Variants in GALNT14 observed in about 807,000 individuals in gnomAD.
GALNT14 encodes polypeptide N-acetylgalactosaminyltransferase 14, also known as UDP-GalNAc:polypeptide N-acetylgalactosaminyltransferase 14.
A neutral mutation model predicts 77.5 loss-of-function variants in GALNT14; 60 were observed. The observed-to-expected ratio is 0.77, with a 90% confidence interval of 0.63 to 0.96. The LOEUF (loss-of-function observed/expected upper bound fraction) is 0.96, where lower values mean the gene tolerates loss of function less well. Ranked by LOEUF, GALNT14 falls within the 40% of genes least tolerant of loss-of-function variation. GALNT14 has a pLI of 0.00. For missense variants in GALNT14, 710 were observed against 731.0 expected (o/e 0.97, Z 0.33); for synonymous variants, 280 against 281.7 (o/e 0.99, Z 0.06).
At chr2:30,918,084 C>T (rs767098416) in intron 13 of GALNT14, among the ~76,000 whole-genome samples, 1 of 152,238 alleles carries the variant, frequency 6.6e-6, no homozygotes, top group Non-Finnish European at 1.5e-5. Flanking sequence ...CCAGAGGCAG[C>T]AGGATGACCT....
chr2:30,975,088 G>T (rs1334012631), intron 2 of GALNT14, among the ~76,000 whole-genome samples: 4 of 152,232 alleles, frequency 2.6e-5, no homozygotes, highest in African/African-American at 9.6e-5. Flanking sequence ...GGAAGCTGAA[G>T]TATGGAGCCA....
chr2:31,053,758 C>T (rs531906573), intron 1 of GALNT14, among the ~76,000 whole-genome samples: 73 of 152,224 alleles, frequency 4.8e-4, no homozygotes, highest in Non-Finnish European at 8.5e-4. Flanking sequence ...CAGGTTTCTT[C>T]ACCACCTCGG....
chr2:30,924,195 C>T lies in GALNT14; in HGVS notation c.1304G>A (p.Arg435Lys). ...RQRQKCLESQRQNNQETPNLK... is the reference protein window; with the variant it reads ...RQRQKCLESQKQNNQETPNLK... ...GTTTGGGGTTTCTTGGTTGTTCTGC[C>T]TTTGAGATTCCAGGCACTTCTGTCT... Residue 435 changes from arginine to lysine, a missense_variant, in exon 13 of 15, where the codon AGG (arginine) becomes AAG (lysine). By Grantham distance (26) the Arg-to-Lys change is conservative. Coordinates refer to ENST00000349752, the MANE Select transcript of GALNT14 (RefSeq NM_024572.4). 1 of 1,614,192 alleles carries T rather than the reference C, an allele frequency of 6.2e-7. No homozygotes were observed. The highest frequency in any genetic ancestry group is 8.5e-7 in the Non-Finnish European group (1 of 1,180,034).
chr2:31,011,838 T>G (rs1208712882), intron 1 of GALNT14, among the ~76,000 whole-genome samples: 2 of 152,226 alleles, frequency 1.3e-5, no homozygotes, highest in African/African-American at 4.8e-5. Flanking sequence ...CTGTTTGTAC[T>G]TCAAACAACA....
rs79998673 is a variant in GALNT14 at position 31,136,122 on chromosome 2, C to A, written c.129+1836G>T. ...AGCTCTCCAGATCTATGGGCAGGGG[C>A]TGAGTGAGAAAAGTGATCTGGTGCT... On this transcript the variant is annotated intron_variant, in intron 1 of 14. Coordinates refer to ENST00000349752, the MANE Select transcript of GALNT14 (RefSeq NM_024572.4). Among the ~76,000 whole-genome samples, 759 of 150,740 alleles carry A rather than the reference C, an allele frequency of 5.0e-3. 5 individuals carry two copies. The highest frequency in any genetic ancestry group is 0.018 in the African/African-American group (730 of 40,104).
chr2:31,053,314 T>C (rs1371227372), intron 1 of GALNT14, among the ~76,000 whole-genome samples: 1 of 152,118 alleles, frequency 6.6e-6, no homozygotes, highest in African/African-American at 2.4e-5. Context: ...ATCTGGTAGA[T>C]CTGAGACTAA....
chr2:30,916,709 G>A (rs1032063916), intron 13 of GALNT14, among the ~76,000 whole-genome samples: 4 of 152,156 alleles, frequency 2.6e-5, no homozygotes, highest in Non-Finnish European at 5.9e-5. Context: ...GGATGCAGAC[G>A]GGCCACAGCA....
intron 1 of GALNT14, among the ~76,000 whole-genome samples, chr2:31,016,161 C>G (rs768423960): frequency 1.3e-5 from 2 of 152,148 alleles, no homozygotes; most frequent in Non-Finnish European, 2.9e-5. Context: ...GATCAACGTG[C>G]GAACAGGGTT....
At chr2:30,888,751 A>G in the GALNT14 span, among the ~76,000 whole-genome samples, 11 of 152,288 alleles carry the variant, frequency 7.2e-5, no homozygotes, top group East Asian at 2.1e-3. Context: ...AGGAGGGTGC[A>G]GGGCCCCAAA....
the GALNT14 span, among the ~76,000 whole-genome samples, chr2:30,893,045 T>TA: frequency 6.6e-6 from 1 of 152,184 alleles, no homozygotes; most frequent in African/African-American, 2.4e-5. Flanking sequence ...CATGCATTCT[T>TA]AGAAATGTAC....
Position 31,138,056 on chromosome 2 carries a change from G to A in GALNT14, c.31C>T (p.Pro11Ser). 1 of 1,613,806 alleles carries A rather than the reference G, an allele frequency of 6.2e-7. No individual in the cohort carries two copies. Among genetic ancestry groups the A allele is most frequent in the Non-Finnish European group, 8.5e-7 (1 of 1,179,798 alleles). ...GTGATCCAGAGCACCCCGAAGACTG[G>A]CAGAACCAGCCGACGAGTCAGGCGC... The part of the protein sequence containing the change: MRRLTRRLVL[P>S]VFGVLWITVL... The change falls in exon 1 of 15, where the codon CCA (proline) becomes TCA (serine). Residue 11 changes from proline (P) to serine (S), a missense_variant. Physicochemically the swap from Pro to Ser is moderately conservative, Grantham distance 74 (BLOSUM62 -1). Coordinates refer to ENST00000349752, the MANE Select transcript of GALNT14 (RefSeq NM_024572.4).
At chr2:31,040,297 C>G (rs945247370) in intron 1 of GALNT14, among the ~76,000 whole-genome samples, 3 of 152,138 alleles carry the variant, frequency 2.0e-5, no homozygotes, top group African/African-American at 4.8e-5. Context: ...CTTCCCTTGT[C>G]TGGAGAACTG....
At chr2:30,894,431 G>A in the GALNT14 span, among the ~76,000 whole-genome samples, 1 of 152,082 alleles carries the variant, frequency 6.6e-6, no homozygotes, top group Non-Finnish European at 1.5e-5. Flanking sequence ...TTCTGTTCAT[G>A]CTCAGTATTC....
In GALNT14 at chr2:30,912,226, T is replaced by C; in HGVS notation, c.1497A>G (p.Arg499=). Residue 499 remains arginine (R), a synonymous_variant, in exon 14 of 15, where the codon CGA becomes CGG. Transcript: ENST00000349752. ...VLVLCKNGDD[R]QQWTKTGSHI... is the part of the protein sequence containing the mutation. Reference sequence around the variant, plus strand: ...CAGGGACCTGCTGAGCACTTACCTGTCGGTCATCTCCATTCTTGCAAAGGA... The same window carrying C: ...CAGGGACCTGCTGAGCACTTACCTGCCGGTCATCTCCATTCTTGCAAAGGA... 6.2e-7 allele frequency: 1 copy of C among 1,614,114 alleles called. No individual in the cohort carries two copies. Among genetic ancestry groups the C allele is most frequent in the Non-Finnish European group, 8.5e-7 (1 of 1,179,992 alleles).
chr2:30,992,749 C>T (rs1242061630), intron 2 of GALNT14, 89 bp downstream of exon 2: 7 of 1,437,116 alleles, frequency 4.9e-6, no homozygotes, highest in South Asian at 1.3e-5. Flanking sequence ...GTTCTTAGCA[C>T]TGGTGCTGCA....
Position 30,944,889 on chromosome 2 carries a change from C to A in GALNT14, c.796G>T (p.Ala266Ser), listed in dbSNP as rs199792871. 7 of 1,610,748 alleles carry A rather than the reference C, an allele frequency of 4.3e-6. No homozygotes were observed. Among genetic ancestry groups the A allele is most frequent in the Admixed American group, 1.7e-5 (1 of 59,904 alleles). ...QWEQLSPEQKARRLDPTEPIR... is the reference protein window; with the variant it reads ...QWEQLSPEQKSRRLDPTEPIR... Reference sequence around the variant, plus strand: ...GGCTCCGTGGGGTCCAGGCGCCGAGCCTTCTGCTCTGGGGAGAGCTGCTCC... The same window carrying A: ...GGCTCCGTGGGGTCCAGGCGCCGAGACTTCTGCTCTGGGGAGAGCTGCTCC... The change falls in exon 8 of 15, where the codon GCT becomes TCT. Residue 266 changes from alanine to serine, a missense_variant. Coordinates refer to ENST00000349752, the MANE Select transcript of GALNT14 (RefSeq NM_024572.4).
At chr2:31,092,684 T>G (rs1372240850) in intron 1 of GALNT14, among the ~76,000 whole-genome samples, 2 of 152,150 alleles carry the variant, frequency 1.3e-5, no homozygotes, top group Non-Finnish European at 2.9e-5. Context: ...ATATAAAAAA[T>G]CATCTTCAGC....
intron 1 of GALNT14, among the ~76,000 whole-genome samples, chr2:31,034,489 C>A: frequency 6.6e-6 from 1 of 152,208 alleles, no homozygotes; most frequent in Non-Finnish European, 1.5e-5. Flanking sequence ...TGCAGCTTTA[C>A]CTGACTAGAC....
chr2:30,953,726 G>A (rs147798968), intron 6 of GALNT14, among the ~76,000 whole-genome samples: 48 of 152,240 alleles, frequency 3.2e-4, no homozygotes, highest in Non-Finnish European at 4.1e-4. Context: ...AGAACCCAGC[G>A]GACCTTACTA....
Sources: gnomAD v4.1 joint callset for allele counts (sites outside exome capture counted in the v4.1 genomes callset) on GRCh38, gnomAD v4.1.1 for gene constraint, MANE v1.5 for transcripts, NCBI Gene and HGNC (gene_info 2026-07-23, HGNC 2026-07-21) for gene names.